CFAP43: variants seen among roughly 807,000 people sequenced by gnomAD.
The protein encoded by CFAP43 is cilia- and flagella-associated protein 43.
A neutral mutation model predicts 218.9 loss-of-function variants in CFAP43; 155 were observed. That is an observed-to-expected ratio of 0.71 (90% CI 0.62 to 0.81). The LOEUF (loss-of-function observed/expected upper bound fraction) is 0.81, where lower values mean the gene tolerates loss of function less well. CFAP43 is among the 30% of genes least tolerant of loss of function. The pLI, the probability that CFAP43 is intolerant of heterozygous loss-of-function variation, is 0.00. For missense variants in CFAP43, 1,778 were observed against 1,954.3 expected (o/e 0.91, Z 1.70); for synonymous variants, 645 against 681.3 (o/e 0.95, Z 0.83).
Position 104,131,381 on chromosome 10 carries a change from C to T in CFAP43, c.4781G>A (p.Arg1594Gln), listed in dbSNP as rs777903301. 26 of 1,613,642 alleles carry T rather than the reference C, an allele frequency of 1.6e-5. No homozygotes were observed. Among genetic ancestry groups the T allele is most frequent in the Non-Finnish European group, 2.0e-5 (24 of 1,179,878 alleles). The change falls in exon 37 of 38, where the codon CGA (arginine) becomes CAA (glutamine). Residue 1594 changes from arginine to glutamine, a missense_variant. Around this residue, in one of 3 missense-constraint regions of CFAP43, gnomAD observed 211 missense variants for 230.6 expected, o/e 0.91. Transcript: ENST00000357060. ...CTCTGAGACAGCTACCAACTCTTCTCGTAGATTGCAGCTTAGGGCATAATT... is the reference window on the plus strand; with the variant it reads ...CTCTGAGACAGCTACCAACTCTTCTTGTAGATTGCAGCTTAGGGCATAATT... Reference protein sequence around the residue: ...IANYALSCNLREELVAVSERK... With the variant: ...IANYALSCNLQEELVAVSERK...
Position 104,192,229 on chromosome 10 carries a change from A to G in CFAP43, c.1516T>C (p.Ser506Pro). 6.2e-7 allele frequency: 1 copy of G among 1,612,780 alleles called. No homozygotes were observed. The highest frequency in any genetic ancestry group is 8.5e-7 in the Non-Finnish European group (1 of 1,179,458). ...GKVFIINANS[S>P]SSFQIIGFTE... ...AATCCAATAATCTGAAATGAGCTTG[A>G]GGAGTTGGCATTGATAATAAAGACT... Residue 506 changes from serine (S) to proline (P), a missense_variant, in exon 12 of 38, where the codon TCA (serine) becomes CCA (proline). Transcript: ENST00000357060.
chr10:104,231,837 G>A (rs2091456392), intron 1 of CFAP43, among the ~76,000 whole-genome samples: 1 of 152,142 alleles, frequency 6.6e-6, no homozygotes, highest in Non-Finnish European at 1.5e-5. Context: ...TGGAGGGGGA[G>A]GGGGATGTGA....
At chr10:104,152,833 G>T in intron 27 of CFAP43, 107 bp from the exon 28 acceptor site, 1 of 1,252,696 alleles carries the variant, frequency 8.0e-7, no homozygotes, top group Non-Finnish European at 1.1e-6. Flanking sequence ...GGCAGCCCTT[G>T]CAAGGTGTTC....
At chr10:104,230,565 G>A (rs1355132905) in intron 2 of CFAP43, 25 bp downstream of exon 2, 3 of 1,596,968 alleles carry the variant, frequency 1.9e-6, no homozygotes, top group South Asian at 1.1e-5. Flanking sequence ...TCAATTATGG[G>A]CAGAGGAAGG....
In CFAP43 at chr10:104,131,322, C is replaced by T; in HGVS notation, c.4831+9G>A. ...CTACAGTTGGTTAAAGAAAAAAAAG[C>T]ATGCTTACCCATTGCATTACAGATG... is the stretch of plus-strand genomic sequence containing the variant. On this transcript the variant is annotated intron_variant, in intron 37 of 37. Transcript: ENST00000357060. 2 of 1,596,366 alleles carry T rather than the reference C, an allele frequency of 1.3e-6. No homozygotes were observed. The highest frequency in any genetic ancestry group is 1.7e-6 in the Non-Finnish European group (2 of 1,175,940).
chr10:104,212,211 T>C (rs1237785526), intron 4 of CFAP43, 54 bp from the exon 5 acceptor site: 3 of 1,559,220 alleles, frequency 1.9e-6, no homozygotes, highest in Non-Finnish European at 2.6e-6. Context: ...TTCTTATTGA[T>C]GCAACCACTG....
At chr10:104,140,602 T>G (rs889005047) in intron 34 of CFAP43, among the ~76,000 whole-genome samples, 1 of 152,158 alleles carries the variant, frequency 6.6e-6, no homozygotes, top group African/African-American at 2.4e-5. Context: ...GCTCAGGAGT[T>G]TGAGAACAGC....
At chr10:104,139,666 C>T (rs2087615165) in intron 34 of CFAP43, among the ~76,000 whole-genome samples, 1 of 152,030 alleles carries the variant, frequency 6.6e-6, no homozygotes, top group Non-Finnish European at 1.5e-5. Flanking sequence ...TGATTAAAAA[C>T]TTTTTCAGAT....
In CFAP43 at chr10:104,161,014, TATTA is replaced by T. The variant is rs2088840722; in HGVS notation, c.3540+19_3540+22del. 1.3e-6 allele frequency: 2 copies of T among 1,583,446 alleles called. No individual in the cohort carries two copies. The highest frequency in any genetic ancestry group is 2.7e-5 in the African/African-American group (2 of 73,850). ...ACAGCACTCTGGATATGGTAGGTTA[TATTA>T]ATTATTTGCTCTTCTGACCTTTCTA... On this transcript the variant is annotated intron_variant, in intron 27 of 37. Transcript: ENST00000357060.
chr10:104,153,762 T>TTCTCTC (rs35514998), intron 27 of CFAP43, among the ~76,000 whole-genome samples: 1 of 148,040 alleles, frequency 6.8e-6, no homozygotes, highest in African/African-American at 2.5e-5. Flanking sequence ...TTTATCACTT[T>TTCTCTC]TCTCTCTCTC....
chr10:104,224,840 A>G (rs1034338167), intron 3 of CFAP43, among the ~76,000 whole-genome samples: 5 of 152,000 alleles, frequency 3.3e-5, no homozygotes, highest in African/African-American at 1.2e-4. Flanking sequence ...AAGAAATGTT[A>G]GTATGTTATC....
intron 5 of CFAP43, 60 bp from the exon 6 acceptor site, chr10:104,207,884 A>AT: frequency 6.5e-7 from 1 of 1,535,542 alleles, no homozygotes; most frequent in South Asian, 1.3e-5. Flanking sequence ...AGCCTGAGAA[A>AT]TACTCACCAG....
At position 104,145,485 on chromosome 10, in the gene CFAP43, C is replaced by T. The variant is rs150378110; in HGVS notation, c.3935G>A (p.Arg1312His). 1,700 of 1,589,920 alleles carry T rather than the reference C, an allele frequency of 1.1e-3. 1 individual carries two copies. The highest frequency in any genetic ancestry group is 1.3e-3 in the Non-Finnish European group (1,536 of 1,162,720). The change falls in exon 31 of 38, where the codon CGC becomes CAC. Residue 1312 changes from arginine to histidine, a missense_variant. Physicochemically the swap from Arg to His is conservative, Grantham distance 29 (BLOSUM62 0). Around this residue, in one of 3 missense-constraint regions of CFAP43, gnomAD observed 1,553 missense variants for 1,685.2 expected, o/e 0.92. Transcript: ENST00000357060. ...QVDILYKLFK[R>H]RPRISKQKTH... is the part of the protein sequence containing the mutation. ...TGAAGGAGAAACAAACCTTGGTCGG[C>T]GTTTAAAAAGTTTGTAGAGTATATC...
intron 12 of CFAP43, among the ~76,000 whole-genome samples, chr10:104,191,135 T>C (rs139681048): frequency 2.6e-4 from 40 of 152,340 alleles, no homozygotes; most frequent in African/African-American, 9.6e-4. Flanking sequence ...TTTGCCTTTC[T>C]ACTCCATCCT....
intron 10 of CFAP43, 37 bp downstream of exon 10, chr10:104,196,816 A>G (rs757527019): frequency 6.7e-7 from 1 of 1,490,790 alleles, no homozygotes; most frequent in Admixed American, 1.9e-5. Context: ...ATTAGAATTC[A>G]GTATTTTTTT....
intron 5 of CFAP43, among the ~76,000 whole-genome samples, chr10:104,211,037 C>T (rs1037790832): frequency 3.3e-5 from 5 of 151,868 alleles, no homozygotes; most frequent in African/African-American, 7.3e-5. Flanking sequence ...GTGATCCACC[C>T]GTCTCGGCCT....
intron 34 of CFAP43, among the ~76,000 whole-genome samples, chr10:104,135,978 A>G (rs187349727): frequency 1.4e-3 from 206 of 152,274 alleles, no homozygotes; most frequent in Non-Finnish European, 1.8e-3. Flanking sequence ...GGCCAGGCAC[A>G]GTGGCTCACG....
intron 34 of CFAP43, among the ~76,000 whole-genome samples, chr10:104,139,080 G>C (rs186593391): frequency 4.5e-4 from 68 of 152,272 alleles, no homozygotes; most frequent in African/African-American, 1.6e-3. Context: ...TATGGTAACA[G>C]ATATTTTGCC....
At position 104,142,348 on chromosome 10, in the gene CFAP43, G is replaced by A. The variant is rs1187320304; in HGVS notation, c.4204C>T (p.Gln1402Ter). 6.2e-7 allele frequency: 1 copy of A among 1,613,326 alleles called. No individual in the cohort carries two copies. The highest frequency in any genetic ancestry group is 8.5e-7 in the Non-Finnish European group (1 of 1,179,698). The part of the protein sequence containing the change: ...ADLLEMATFL[Q>*]KRVEEEEKVQ... ...TTCTCTTCCTCCTCAACTCTCTTCTGGAGGAAAGTTGCCATTTCCAATAAG... is the reference window on the plus strand; with the variant it reads ...TTCTCTTCCTCCTCAACTCTCTTCTAGAGGAAAGTTGCCATTTCCAATAAG... The change falls in exon 33 of 38, where the codon CAG becomes TAG. Residue 1402 changes from glutamine (Q) to a stop codon, truncating the protein, a stop_gained. Coordinates refer to ENST00000357060, the MANE Select transcript of CFAP43 (RefSeq NM_025145.7). LOFTEE classifies it high-confidence loss of function.
Sources: allele counts gnomAD v4.1 joint callset (sites outside exome capture counted in the v4.1 genomes callset), GRCh38; gene constraint gnomAD v4.1.1; regional missense constraint gnomAD v4.1.1; transcripts MANE v1.5; gene names NCBI Gene and HGNC (gene_info 2026-07-23, HGNC 2026-07-21).